Variants in MAN2B1 observed in about 807,000 individuals in gnomAD.
The protein encoded by MAN2B1 is mannosidase alpha class 2B member 1.
In MAN2B1, 99 loss-of-function variants were observed where a neutral mutation model predicts 127.5. The ratio of observed to expected loss-of-function variants is 0.78; its 90% confidence interval spans 0.66 to 0.92. MAN2B1 has a LOEUF of 0.92. Ranked by LOEUF, MAN2B1 falls within the 40% of genes least tolerant of loss-of-function variation. The pLI, the probability that MAN2B1 is intolerant of heterozygous loss-of-function variation, is 0.00. For missense variants in MAN2B1, 1,304 were observed against 1,384.8 expected, an observed-to-expected ratio of 0.94 and a Z score of 0.93; for synonymous variants, 573 against 568.8, an observed-to-expected ratio of 1.01 and a Z score of -0.11.
chr19:12,646,602 G>A lies in MAN2B1; in HGVS notation c.*18C>T. 1 of 1,574,534 alleles carries A rather than the reference G, an allele frequency of 6.4e-7. No individual in the cohort carries two copies. The highest frequency in any genetic ancestry group is 1.1e-5 in the South Asian group (1 of 90,256). ...CCGGAGCAGGAGGCTTGGGCTTGGA[G>A]GGCCCATCCCAGCAGACCTAACCAT... On this transcript the variant is annotated 3_prime_UTR_variant, in exon 24 of 24. Coordinates refer to ENST00000456935, the MANE Select transcript of MAN2B1 (RefSeq NM_000528.4).
chr19:12,652,441 T>G lies in MAN2B1; in HGVS notation c.1850A>C (p.Asp617Ala), dbSNP rs370382032. Residue 617 changes from aspartate (D) to alanine (A), a missense_variant, in exon 15 of 24, where the codon GAT (aspartate) becomes GCT (alanine). Physicochemically the swap from Asp to Ala is moderately radical, Grantham distance 126. Transcript: ENST00000456935. ...CTCCATCAACAGCCCTGTGTCAGGA[T>G]CAAACGTTGCCCGGATGTGCTGGGC... ...IENEHIRATF[D>A]PDTGLLMEIM... The G allele has an allele frequency of 2.5e-6, 4 of 1,614,114 alleles. No individual in the cohort carries two copies. Among genetic ancestry groups the G allele is most frequent in the Non-Finnish European group, 3.4e-6 (4 of 1,180,004 alleles).
intron 14 of MAN2B1, among the ~76,000 whole-genome samples, chr19:12,653,048 G>C (rs1299430090): frequency 6.6e-6 from 1 of 151,136 alleles, no homozygotes; most frequent in Non-Finnish European, 1.5e-5. Flanking sequence ...TGGTCAGGCT[G>C]GTCTCCAACT....
chr19:12,665,832 C>A lies in MAN2B1; in HGVS notation c.160-27G>T, dbSNP rs753956794. On this transcript the variant is annotated intron_variant, in intron 1 of 23. Coordinates refer to ENST00000456935, the MANE Select transcript of MAN2B1 (RefSeq NM_000528.4). ...TGCACAGGGACCCCAAACACACATACCTTGTCAATAACCCCCGAGGTCGGG... is the reference window on the plus strand; with the variant it reads ...TGCACAGGGACCCCAAACACACATAACTTGTCAATAACCCCCGAGGTCGGG... 3.2e-6 allele frequency: 5 copies of A among 1,577,662 alleles called. No homozygotes were observed. The South Asian group carries it at 5.5e-5, about 17-fold the overall frequency.
chr19:12,654,028 CTTTTTTTCTT>C (rs1016457636), intron 14 of MAN2B1, among the ~76,000 whole-genome samples: 8 of 150,560 alleles, frequency 5.3e-5, no homozygotes, highest in African/African-American at 1.5e-4. Context: ...CCAGCCTTTT[CTTTTTTTCTT>C]TTTTTTTCTT....
chr19:12,652,429 C>T lies in MAN2B1; in HGVS notation c.1862G>A (p.Gly621Glu), dbSNP rs1295850283. 1.2e-6 allele frequency: 2 copies of T among 1,614,076 alleles called. No homozygotes were observed. Among genetic ancestry groups the T allele is most frequent in the East Asian group, 4.5e-5 (2 of 44,888 alleles). ...CATGTTCATAATCTCCATCAACAGC[C>T]CTGTGTCAGGATCAAACGTTGCCCG... ...HIRATFDPDT[G>E]LLMEIMNMNQ... The change falls in exon 15 of 24, where the codon GGG becomes GAG. Residue 621 changes from glycine to glutamate, a missense_variant. Gly to Glu is a moderately conservative substitution (Grantham distance 98). Coordinates refer to ENST00000456935, the MANE Select transcript of MAN2B1 (RefSeq NM_000528.4).
chr19:12,658,003 C>T, intron 10 of MAN2B1, 60 bp downstream of exon 10: 1 of 1,264,132 alleles, frequency 7.9e-7, no homozygotes, highest in Admixed American at 1.7e-5. Flanking sequence ...AGGGGGGCGG[C>T]CTAGGGGTGG....
At chr19:12,648,800 G>C (rs1194600815) in intron 20 of MAN2B1, among the ~76,000 whole-genome samples, 1 of 152,134 alleles carries the variant, frequency 6.6e-6, no homozygotes, top group East Asian at 1.9e-4. Flanking sequence ...TTCGAGACCA[G>C]CCTGGCCAAC....
chr19:12,658,314 G>A lies in MAN2B1; in HGVS notation c.1140C>T (p.Tyr380=), dbSNP rs767768982. 2.5e-6 allele frequency: 4 copies of A among 1,614,112 alleles called. No homozygotes were observed. Among genetic ancestry groups the A allele is most frequent in the African/African-American group, 2.7e-5 (2 of 74,934 alleles). The change falls in exon 9 of 24, where the codon TAC becomes TAT. Residue 380 remains tyrosine (Y), a synonymous_variant. Transcript: ENST00000456935. ...WSVKHDDFFP[Y]ADGPHQFWTG... is the part of the protein sequence containing the mutation. ...TCCAGAACTGGTGGGGGCCATCCGC[G>A]TAAGGGAAGAAGTCGTCATGTTTCA... is the stretch of plus-strand genomic sequence containing the variant.
chr19:12,648,481 G>A (rs2023757757), intron 20 of MAN2B1, 79 bp from the exon 21 acceptor site: 5 of 1,055,582 alleles, frequency 4.7e-6, no homozygotes, highest in Non-Finnish European at 7.1e-6. Flanking sequence ...GTAAGGGCGT[G>A]TGGGAATGTC....
At chr19:12,666,404 CA>C in intron 1 of MAN2B1, 138 bp downstream of exon 1, 2 of 962,410 alleles carry the variant, frequency 2.1e-6, no homozygotes, top group Non-Finnish European at 1.6e-6. Context: ...CGCAATGACA[CA>C]AAGCACGCAC....
chr19:12,662,951 T>A (rs200842386), intron 6 of MAN2B1, among the ~76,000 whole-genome samples: 4,363 of 90,276 alleles, frequency 0.048, 150 homozygotes, highest in African/African-American at 0.13. Context: ...AAAAAAAAAA[T>A]AATAATAAAT....
At chr19:12,659,084 C>T (rs1366927275) in intron 7 of MAN2B1, 2 of 171,474 alleles carry the variant, frequency 1.2e-5, no homozygotes. Context: ...GTCTCGATCT[C>T]CTGACCTCAT....
intron 12 of MAN2B1, 124 bp from the exon 13 acceptor site, chr19:12,656,811 C>A: frequency 9.7e-7 from 1 of 1,034,142 alleles, no homozygotes; most frequent in Non-Finnish European, 1.5e-6. Context: ...CAAGCCCCCT[C>A]GAGATGCGTT....
At chr19:12,656,797 A>C in intron 12 of MAN2B1, 110 bp from the exon 13 acceptor site, 1 of 1,072,104 alleles carries the variant, frequency 9.3e-7, no homozygotes, top group Non-Finnish European at 1.4e-6. Context: ...ACGGCACTTA[A>C]GGCCAAGCCC....
At chr19:12,661,158 C>T (rs58300002) in intron 7 of MAN2B1, 102 bp downstream of exon 7, 6 of 824,336 alleles carry the variant, frequency 7.3e-6, no homozygotes, top group Non-Finnish European at 1.1e-5. Flanking sequence ...CACAATAGAA[C>T]AATAGAAAAC....
At chr19:12,652,670 T>A (rs1394292586) in intron 14 of MAN2B1, among the ~76,000 whole-genome samples, 1 of 151,638 alleles carries the variant, frequency 6.6e-6, no homozygotes, top group Non-Finnish European at 1.5e-5. Flanking sequence ...TAGCTGGGAT[T>A]ACAGGTGCCC....
At chr19:12,656,868 G>A in intron 12 of MAN2B1, 81 bp downstream of exon 12, 1 of 1,215,166 alleles carries the variant, frequency 8.2e-7, no homozygotes. Context: ...TTTCACTCCT[G>A]TATAGTCCTC....
intron 14 of MAN2B1, among the ~76,000 whole-genome samples, chr19:12,653,148 T>G (rs1476071109): frequency 6.7e-5 from 10 of 149,062 alleles, no homozygotes; most frequent in South Asian, 2.1e-4. Flanking sequence ...TTTTTTGTTT[T>G]TTTTTTTTTT....
At chr19:12,649,874 C>T in intron 18 of MAN2B1, 39 bp downstream of exon 18, 4 of 1,548,846 alleles carry the variant, frequency 2.6e-6, no homozygotes, top group Non-Finnish European at 3.6e-6. Flanking sequence ...CCCCAACACA[C>T]CACAGACCAC....
Sources: gnomAD v4.1 joint callset for allele counts (sites outside exome capture counted in the v4.1 genomes callset) on GRCh38, gnomAD v4.1.1 for gene constraint, MANE v1.5 for transcripts, NCBI Gene and HGNC (gene_info 2026-07-23, HGNC 2026-07-21) for gene names.